UBE2V1: variants seen among roughly 807,000 people sequenced by gnomAD.
UBE2V1 encodes the protein ubiquitin-conjugating enzyme E2 variant 1.
UBE2V1 carries 15 observed loss-of-function variants against 19.6 expected under a neutral mutation model. The observed-to-expected ratio is 0.77, with a 90% CI of 0.51 to 1.18. UBE2V1 has a LOEUF of 1.18. Ranked by LOEUF, UBE2V1 falls within the 50% of genes most tolerant of loss-of-function variation. UBE2V1 has a pLI of 0.00. For synonymous variants in UBE2V1, 60 were observed against 60.7 expected (o/e 0.99, Z 0.05); for missense variants, 125 against 184.8 (o/e 0.68, Z 1.88).
intron 3 of UBE2V1, 36 bp from the exon 4 acceptor site, chr20:50,082,950 A>C (rs749352339): frequency 2.5e-6 from 4 of 1,595,968 alleles, no homozygotes; most frequent in Non-Finnish European, 3.4e-6. Flanking sequence ...TTACTCTCAG[A>C]CTCTCAAACA....
At chr20:50,094,232 A>ATATAATGCATTATATAT (rs2079466459) in intron 2 of UBE2V1, among the ~76,000 whole-genome samples, 1 of 135,882 alleles carries the variant, frequency 7.4e-6, no homozygotes, top group African/African-American at 2.8e-5. Context: ...GCATTATATA[A>ATATAATGCATTATATAT]TATATAATGC....
In UBE2V1 at chr20:50,082,680, G is replaced by A. The variant is rs557493991; in HGVS notation, c.*88C>T. The A allele has an allele frequency of 7.1e-6, 11 of 1,549,104 alleles. No homozygotes were observed. Among genetic ancestry groups the A allele is most frequent in the African/African-American group, 4.1e-5 (3 of 72,746 alleles). The stretch of plus-strand genomic sequence containing the variant: ...TCCGGTACTTTGAGGTCTACAAGAC[G>A]TATCTAGAAAATTTACTACTGTGGA... On this transcript the variant is annotated 3_prime_UTR_variant, in exon 4 of 4. Transcript: ENST00000371674.
In UBE2V1 at chr20:50,082,112, C is replaced by A. The variant is rs2078669307; in HGVS notation, c.*656G>T. The A allele has an allele frequency of 5.8e-6, 1 of 171,652 alleles. No homozygotes were observed. Among genetic ancestry groups the A allele is most frequent in the African/African-American group, 2.4e-5 (1 of 42,030 alleles). The allele number at this position is 171,652 out of a possible 1,614,324, so 10.6% of individuals were successfully genotyped here. A position where few individuals can be genotyped will look rare whatever the true frequency, so the allele number is the denominator to read the frequency against. ...TGGGGGAGAGAAGATATGGGGAAAG[C>A]CCTGAATTCCTCACCGAAGGCCAAT... On this transcript the variant is annotated 3_prime_UTR_variant, in exon 4 of 4. Transcript: ENST00000371674.
upstream of UBE2V1, among the ~76,000 whole-genome samples, chr20:50,114,746 C>A (rs73278514): frequency 6.6e-6 from 1 of 152,064 alleles, no homozygotes; most frequent in Non-Finnish European, 1.5e-5. Flanking sequence ...ACTTGCACAG[C>A]GCTGCAGGTG....
chr20:50,089,616 T>C (rs2079108694), intron 2 of UBE2V1, among the ~76,000 whole-genome samples: 1 of 152,180 alleles, frequency 6.6e-6, no homozygotes, highest in Non-Finnish European at 1.5e-5. Context: ...TGGAGTTTCC[T>C]AGCCAGCAGC....
chr20:50,103,113 T>G (rs2080112018), intron 1 of UBE2V1, among the ~76,000 whole-genome samples: 1 of 152,252 alleles, frequency 6.6e-6, no homozygotes, highest in Non-Finnish European at 1.5e-5. Context: ...GTCTCCCATC[T>G]GAACATAAGC....
chr20:50,084,439 G>C, intron 2 of UBE2V1, 185 bp from the exon 3 acceptor site: 1 of 1,033,000 alleles, frequency 9.7e-7, no homozygotes, highest in South Asian at 1.3e-5. Flanking sequence ...TATGACTTCC[G>C]GGCCTTGGGG....
At chr20:50,113,484 T>C (rs1339420999), upstream of UBE2V1, among the ~76,000 whole-genome samples, 1 of 152,186 alleles carries the variant, frequency 6.6e-6, no homozygotes, top group Non-Finnish European at 1.5e-5. Context: ...TTTTCCTGTC[T>C]AGTTCCTATC....
chr20:50,107,108 G>A (rs939386181), intron 1 of UBE2V1, among the ~76,000 whole-genome samples: 5 of 152,172 alleles, frequency 3.3e-5, no homozygotes, highest in Admixed American at 2.0e-4. Context: ...CTGAGCAACC[G>A]CCCAAGTGTA....
chr20:50,086,894 G>A (rs1183308779), intron 2 of UBE2V1, among the ~76,000 whole-genome samples: 3 of 152,178 alleles, frequency 2.0e-5, no homozygotes, highest in East Asian at 1.9e-4. Context: ...TGGCTAACAC[G>A]GTGAAACCCT....
chr20:50,089,166 A>C (rs1409756020), intron 2 of UBE2V1, among the ~76,000 whole-genome samples: 1 of 152,210 alleles, frequency 6.6e-6, no homozygotes, highest in Non-Finnish European at 1.5e-5. Flanking sequence ...AACGAAATGA[A>C]GCAGGATGGA....
intron 1 of UBE2V1, among the ~76,000 whole-genome samples, chr20:50,099,661 T>C (rs1338054911): frequency 1.3e-5 from 2 of 152,200 alleles, no homozygotes; most frequent in Admixed American, 1.3e-4. Flanking sequence ...TAGGAATCCA[T>C]AAGCCAAGCT....
chr20:50,113,720 T>A (rs536844709), upstream of UBE2V1, among the ~76,000 whole-genome samples: 1 of 152,284 alleles, frequency 6.6e-6, no homozygotes, highest in African/African-American at 2.4e-5. Context: ...CTAAATGATT[T>A]AGGGGCATTA....
In UBE2V1 at chr20:50,082,596, A is replaced by G. The variant is rs544387060; in HGVS notation, c.*172T>C. 1 of 1,248,836 alleles carries G rather than the reference A, an allele frequency of 8.0e-7. No homozygotes were observed. The highest frequency in any genetic ancestry group is 1.1e-6 in the Non-Finnish European group (1 of 935,534). The allele number at this position is 1,248,836 out of a possible 1,614,324, so 77.4% of individuals were successfully genotyped here. A position where few individuals can be genotyped will look rare whatever the true frequency, so the allele number is the denominator to read the frequency against. On this transcript the variant is annotated 3_prime_UTR_variant, in exon 4 of 4. Coordinates refer to ENST00000371674, the MANE Select transcript of UBE2V1 (RefSeq NM_001032288.3). ...ACAACTTATATATTTCAAATGGACA[A>G]AAAATTAGTATCATTTACAGTATCT...
Position 50,082,234 on chromosome 20 carries a change from T to A in UBE2V1, c.*534A>T. 6.4e-6 allele frequency: 1 copy of A among 157,128 alleles called. No homozygotes were observed. The highest frequency in any genetic ancestry group is 1.9e-4 in the East Asian group (1 of 5,340). The allele number at this position is 157,128 out of a possible 1,614,324, so 9.7% of individuals were successfully genotyped here. On this transcript the variant is annotated 3_prime_UTR_variant, in exon 4 of 4. Coordinates refer to ENST00000371674, the MANE Select transcript of UBE2V1 (RefSeq NM_001032288.3). ...ATGATGGTTTGGAAGGGGCATCACT[T>A]AAGACTTAAAGAAACCAGGGGTGCA...
chr20:50,113,774 C>CATTA (rs1569031661), upstream of UBE2V1, among the ~76,000 whole-genome samples: 1 of 115,530 alleles, frequency 8.7e-6, no homozygotes, highest in Non-Finnish European at 1.7e-5. Flanking sequence ...CCAATTCATT[C>CATTA]ATTCATTCAT....
chr20:50,084,279 T>C (rs2078779668), intron 2 of UBE2V1, 25 bp from the exon 3 acceptor site: 2 of 1,610,176 alleles, frequency 1.2e-6, no homozygotes, highest in Non-Finnish European at 1.7e-6. Context: ...TACGGAGATG[T>C]CACGCAATTA....
chr20:50,081,787 G>A lies in UBE2V1; in HGVS notation c.*981C>T, dbSNP rs1303193371. On this transcript the variant is annotated 3_prime_UTR_variant, in exon 4 of 4. Transcript: ENST00000371674. Reference sequence around the variant, plus strand: ...CAACCACCAAGGACTCCGAGAGCTGGCAGGTCTGAGTAACCCTGGTGACTA... The same window carrying A: ...CAACCACCAAGGACTCCGAGAGCTGACAGGTCTGAGTAACCCTGGTGACTA... The A allele has an allele frequency of 1.2e-5, 3 of 248,832 alleles. No homozygotes were observed. The highest frequency in any genetic ancestry group is 2.3e-5 in the Non-Finnish European group (3 of 130,762). The allele number at this position is 248,832 out of a possible 1,614,324, so 15.4% of individuals were successfully genotyped here.
intron 1 of UBE2V1, chr20:50,099,006 G>A: frequency 1.0e-6 from 1 of 979,264 alleles, no homozygotes; most frequent in Non-Finnish European, 1.2e-6. Flanking sequence ...TGACATTATA[G>A]GCAAAAAGCC....
Sources: allele counts gnomAD v4.1 joint callset (sites outside exome capture counted in the v4.1 genomes callset), GRCh38; gene constraint gnomAD v4.1.1; transcripts MANE v1.5; gene names NCBI Gene and HGNC (gene_info 2026-07-23, HGNC 2026-07-21).